PARP15: variants seen among roughly 807,000 people sequenced by gnomAD.
PARP15 encodes the protein protein mono-ADP-ribosyltransferase PARP15.
A neutral mutation model predicts 62.1 loss-of-function variants in PARP15; 50 were observed. The ratio of observed to expected loss-of-function variants is 0.81; its 90% confidence interval spans 0.64 to 1.02. The LOEUF is 1.02. Among genes scored for constraint, PARP15 ranks in the 50% least tolerant of loss-of-function variants. The pLI is 0.00. For synonymous variants in PARP15, 309 were observed against 293.1 expected (o/e 1.05, Z -0.55); for missense variants, 820 against 826.5 (o/e 0.99, Z 0.10).
At chr3:122,614,339 G>A (rs1162870212) in intron 4 of PARP15, among the ~76,000 whole-genome samples, 1 of 152,070 alleles carries the variant, frequency 6.6e-6, no homozygotes, top group Non-Finnish European at 1.5e-5. Flanking sequence ...ACTTAAACTG[G>A]ATCAAAGATA....
chr3:122,599,116 T>G (rs1261408206), intron 1 of PARP15, among the ~76,000 whole-genome samples: 1 of 152,154 alleles, frequency 6.6e-6, no homozygotes, highest in African/African-American at 2.4e-5. Context: ...AGGCTGGTCT[T>G]GAACTCCTGA....
At chr3:122,590,496 G>A (rs1371506351) in intron 1 of PARP15, among the ~76,000 whole-genome samples, 6 of 151,742 alleles carry the variant, frequency 4.0e-5, no homozygotes, top group Non-Finnish European at 8.8e-5. Context: ...GGATGGTCTC[G>A]ATCTCCTGAC....
rs748119887 is a variant in PARP15, at chr3:122,635,950, T to G, written c.1887T>G (p.Arg629=). 6.2e-7 allele frequency: 1 copy of G among 1,614,160 alleles called. No individual in the cohort carries two copies. Among genetic ancestry groups the G allele is most frequent in the South Asian group, 1.1e-5 (1 of 91,066 alleles). ...TTACTGGAGTCTTCACAAAGGGACGTGCAGGATTAGTCACCCCTCCACCCA... is the reference window on the plus strand; with the variant it reads ...TTACTGGAGTCTTCACAAAGGGACGGGCAGGATTAGTCACCCCTCCACCCA... ...RVLTGVFTKG[R]AGLVTPPPKN... The change falls in exon 12 of 12, where the codon CGT becomes CGG. Residue 629 remains arginine, a synonymous_variant. Coordinates refer to ENST00000464300, the MANE Select transcript of PARP15 (RefSeq NM_001113523.3).
At chr3:122,613,906 C>T (rs745902745) in intron 4 of PARP15, among the ~76,000 whole-genome samples, 30 of 145,748 alleles carry the variant, frequency 2.1e-4, no homozygotes, top group South Asian at 4.4e-4. Context: ...ACTGCAGCGG[C>T]GTGATCTCAG....
Position 122,577,760 on chromosome 3 carries a change from C to T in PARP15, c.93C>T (p.Ser31=). ...ELMHGVAGVT[S]RAGRDREAGS... Reference sequence around the variant, plus strand: ...TGCACGGAGTTGCAGGTGTTACTTCCAGAGCCGGACGAGATCGGGAGGCGG... The same window carrying T: ...TGCACGGAGTTGCAGGTGTTACTTCTAGAGCCGGACGAGATCGGGAGGCGG... The change falls in exon 1 of 12, where the codon TCC becomes TCT. Residue 31 remains serine, a synonymous_variant. Transcript: ENST00000464300. The T allele has an allele frequency of 6.4e-7, 1 of 1,551,676 alleles. No individual in the cohort carries two copies. The highest frequency in any genetic ancestry group is 8.7e-7 in the Non-Finnish European group (1 of 1,146,976).
intron 4 of PARP15, among the ~76,000 whole-genome samples, chr3:122,614,288 T>C (rs1379066746): frequency 6.6e-6 from 1 of 152,204 alleles, no homozygotes; most frequent in Non-Finnish European, 1.5e-5. Context: ...TACCCAACTT[T>C]AAGGACTGAC....
chr3:122,611,090 T>A (rs78152820), intron 3 of PARP15, among the ~76,000 whole-genome samples: 9 of 151,870 alleles, frequency 5.9e-5, no homozygotes, highest in Non-Finnish European at 1.3e-4. Context: ...TCTACAGGAG[T>A]GGTGTCTAAG....
chr3:122,614,147 GT>G (rs1323900858), intron 4 of PARP15, among the ~76,000 whole-genome samples: 3 of 152,122 alleles, frequency 2.0e-5, no homozygotes, highest in African/African-American at 4.8e-5. Flanking sequence ...CTGAATCTCA[GT>G]TTTATCAAGT....
At chr3:122,613,885 G>A (rs1453047346) in intron 4 of PARP15, among the ~76,000 whole-genome samples, 1 of 131,284 alleles carries the variant, frequency 7.6e-6, no homozygotes, top group Non-Finnish European at 1.6e-5. Context: ...GCAGTGGTGT[G>A]ATCTCGGCTC....
rs146937253 is a variant in PARP15 at position 122,595,001 on chromosome 3, T to C, written c.187-10935T>C. On this transcript the variant is annotated intron_variant, in intron 1 of 11. Transcript: ENST00000464300. ...ACTACAAAGGATTAATTTCTCTTCCTTCTTGATGTTCAAAGTGGTTATTCA... is the reference window on the plus strand; with the variant it reads ...ACTACAAAGGATTAATTTCTCTTCCCTCTTGATGTTCAAAGTGGTTATTCA... 6.7e-4 allele frequency: 297 copies of C among 440,300 alleles called. 2 individuals are homozygous for C. Among genetic ancestry groups the C allele is most frequent in the Middle Eastern group, 1.1e-3 (1 of 874 alleles). The allele number at this position is 440,300 out of a possible 1,614,324, so 27.3% of individuals were successfully genotyped here. A position where few individuals can be genotyped will look rare whatever the true frequency, so the allele number is the denominator to read the frequency against.
intron 1 of PARP15, chr3:122,594,636 A>T: frequency 6.6e-6 from 6 of 905,022 alleles, no homozygotes; most frequent in Non-Finnish European, 7.9e-6. Flanking sequence ...AGAAATTAGC[A>T]TCTAATTTTA....
intron 8 of PARP15, among the ~76,000 whole-genome samples, chr3:122,623,265 A>T (rs778002300): frequency 1.3e-5 from 2 of 152,028 alleles, no homozygotes; most frequent in Non-Finnish European, 2.9e-5. Context: ...TGTTCCCATC[A>T]CCCAGGGCAA....
chr3:122,584,824 C>T (rs1350673479), intron 1 of PARP15, among the ~76,000 whole-genome samples: 29 of 152,188 alleles, frequency 1.9e-4, no homozygotes, highest in South Asian at 1.7e-3. Context: ...GTGATCCACC[C>T]GCCGTGGCCT....
chr3:122,634,514 A>C (rs11716890), intron 10 of PARP15, among the ~76,000 whole-genome samples: 23,146 of 152,172 alleles, frequency 0.15, 2,199 homozygotes, highest in East Asian at 0.48. Flanking sequence ...TTGAAATGCT[A>C]TTCAGAGGTC....
chr3:122,590,899 A>C (rs9817182), intron 1 of PARP15, among the ~76,000 whole-genome samples: 140,565 of 152,296 alleles, frequency 0.92, 65,167 homozygotes, highest in Non-Finnish European at 0.97. Flanking sequence ...CAGAAACTTT[A>C]TTTGCGGTAA....
chr3:122,619,827 T>C lies in PARP15; in HGVS notation c.1047T>C (p.Ser349=), dbSNP rs1405848601. The change falls in exon 7 of 12, where the codon AGT becomes AGC. Residue 349 remains serine, a synonymous_variant. Coordinates refer to ENST00000464300, the MANE Select transcript of PARP15 (RefSeq NM_001113523.3). Reference sequence around the variant, plus strand: ...AAGGTGCTGGACAAGCTGTGGAAAGTGAATGTGCTGTACTAGGTATGGGCA... The same window carrying C: ...AAGGTGCTGGACAAGCTGTGGAAAGCGAATGTGCTGTACTAGGTATGGGCA... ...ILEGAGQAVE[S]ECAVLAAQPH... 3.7e-6 allele frequency: 6 copies of C among 1,613,460 alleles called. No homozygotes were observed. Among genetic ancestry groups the C allele is most frequent in the Non-Finnish European group, 3.4e-6 (4 of 1,179,378 alleles).
At position 122,613,109 on chromosome 3, in the gene PARP15, T is replaced by TC; in HGVS notation, c.615dup (p.Met206HisfsTer16). 1 of 1,551,842 alleles carries TC rather than the reference T, an allele frequency of 6.4e-7. No individual in the cohort carries two copies. The highest frequency in any genetic ancestry group is 8.7e-7 in the Non-Finnish European group (1 of 1,147,000). ...TGCTATCTTTCTCATCAATCACATT[T>TC]CCCATGATTGGAACAGGAAGTTTGC... On this transcript the variant is annotated frameshift_variant, in exon 4 of 12. Coordinates refer to ENST00000464300, the MANE Select transcript of PARP15 (RefSeq NM_001113523.3). LOFTEE classifies it high-confidence loss of function.
rs1013164917 is a variant in PARP15, at chr3:122,617,048, C to T, written c.884C>T (p.Thr295Ile). Residue 295 changes from threonine to isoleucine, a missense_variant, in exon 6 of 12, where the codon ACA (threonine) becomes ATA (isoleucine). Transcript: ENST00000464300. Reference sequence around the variant, plus strand: ...GGGACTGTCTCTAAGCCTTGTTTCACAGCATATGAAATGAAAATCGGTGCA... The same window carrying T: ...GGGACTGTCTCTAAGCCTTGTTTCATAGCATATGAAATGAAAATCGGTGCA... Reference protein sequence around the residue: ...VVGTVSKPCFTAYEMKIGAIT... With the variant: ...VVGTVSKPCFIAYEMKIGAIT... 6.2e-7 allele frequency: 1 copy of T among 1,614,140 alleles called. No homozygotes were observed. Among genetic ancestry groups the T allele is most frequent in the African/African-American group, 1.3e-5 (1 of 75,046 alleles).
At chr3:122,604,212 C>T (rs1013782990) in intron 1 of PARP15, among the ~76,000 whole-genome samples, 1 of 152,194 alleles carries the variant, frequency 6.6e-6, no homozygotes, top group African/African-American at 2.4e-5. Context: ...CAAATGATTT[C>T]ATCCATCTGC....
Sources: gnomAD v4.1 joint callset for allele counts (sites outside exome capture counted in the v4.1 genomes callset) on GRCh38, gnomAD v4.1.1 for gene constraint, MANE v1.5 for transcripts, NCBI Gene and HGNC (gene_info 2026-07-23, HGNC 2026-07-21) for gene names.